The following STARD13 variants were observed in gnomAD, a reference collection of about 807,000 sequenced individuals.
STARD13 encodes the protein stAR-related lipid transfer protein 13.
In STARD13, 62 loss-of-function variants were observed where a neutral mutation model predicts 106.4. The observed-to-expected ratio is 0.58, with a 90% CI of 0.48 to 0.72. The LOEUF (loss-of-function observed/expected upper bound fraction) is 0.72. Among genes scored for constraint, STARD13 ranks in the 30% least tolerant of loss-of-function variants. The probability of loss-of-function intolerance (pLI) is 0.00; values close to 1 mark genes in which losing one functional copy is unlikely to be tolerated. For missense variants in STARD13, 1,387 were observed against 1,424.0 expected, an observed-to-expected ratio of 0.97 and a Z score of 0.42; for synonymous variants, 565 against 553.0, an observed-to-expected ratio of 1.02 and a Z score of -0.31.
At chr13:33,481,173 T>A in the STARD13 span, among the ~76,000 whole-genome samples, 1 of 152,092 alleles carries the variant, frequency 6.6e-6, no homozygotes, top group East Asian at 1.9e-4. Flanking sequence ...CTTTCCAATA[T>A]GAATTGTACC....
At chr13:33,654,055 A>G in the STARD13 span, among the ~76,000 whole-genome samples, 1 of 152,182 alleles carries the variant, frequency 6.6e-6, no homozygotes, top group African/African-American at 2.4e-5. Flanking sequence ...ATGAGGAGAA[A>G]TTGAATCCTC....
At chr13:33,181,645 T>C (rs1328007963) in intron 1 of STARD13, among the ~76,000 whole-genome samples, 4 of 152,220 alleles carry the variant, frequency 2.6e-5, no homozygotes, top group Non-Finnish European at 5.9e-5. Context: ...AACTGTAAGC[T>C]CCATATGAAA....
upstream of STARD13, among the ~76,000 whole-genome samples, chr13:33,289,442 A>G (rs952455743): frequency 2.6e-5 from 4 of 152,178 alleles, no homozygotes; most frequent in African/African-American, 9.7e-5. Flanking sequence ...CACAGCTATC[A>G]CTGGAGGTAT....
chr13:33,516,179 T>C, the STARD13 span, among the ~76,000 whole-genome samples: 1 of 147,892 alleles, frequency 6.8e-6, no homozygotes, highest in Non-Finnish European at 1.5e-5. Context: ...ATATAATTCA[T>C]ATATATGAAT....
the STARD13 span, among the ~76,000 whole-genome samples, chr13:33,469,847 GA>G: frequency 0.15 from 23,412 of 152,010 alleles, 2,622 homozygotes; most frequent in African/African-American, 0.32. Context: ...AGGGACAAGG[GA>G]AAAGGATGTT....
intron 1 of STARD13, among the ~76,000 whole-genome samples, chr13:33,226,214 C>T (rs184119978): frequency 3.3e-5 from 5 of 152,342 alleles, no homozygotes; most frequent in African/African-American, 4.8e-5. Context: ...CATTTTGTTA[C>T]GGCAGCCTGA....
chr13:33,296,926 A>G (rs1892518434), intron 1 of STARD13, among the ~76,000 whole-genome samples: 1 of 152,156 alleles, frequency 6.6e-6, no homozygotes, highest in South Asian at 2.1e-4. Context: ...GCCGAGTTCA[A>G]CTTTTTAAAA....
the STARD13 span, among the ~76,000 whole-genome samples, chr13:33,530,105 T>G: frequency 2.0e-5 from 3 of 150,556 alleles, no homozygotes; most frequent in African/African-American, 7.4e-5. Flanking sequence ...TAATTCTCCC[T>G]TGCCTCTACT....
At chr13:33,517,259 T>C in the STARD13 span, among the ~76,000 whole-genome samples, 1 of 152,096 alleles carries the variant, frequency 6.6e-6, no homozygotes, top group South Asian at 2.1e-4. Flanking sequence ...ACATCACCGC[T>C]GAACAGCTAA....
At position 33,134,952 on chromosome 13, in the gene STARD13, A is replaced by G. The variant is rs75917580; in HGVS notation, c.388-4663T>C. Among the ~76,000 whole-genome samples the G allele has an allele frequency of 3.4e-3, 522 of 152,338 alleles. 3 individuals carry two copies. The highest frequency in any genetic ancestry group is 0.012 in the African/African-American group (495 of 41,582). The stretch of plus-strand genomic sequence containing the variant: ...CTTAACCATGTAATATGGCTACTGA[A>G]CAAAGACACCAACCTTAGGATGCAT... On this transcript the variant is annotated intron_variant, in intron 4 of 13. Transcript: ENST00000336934.
chr13:33,192,930 T>G (rs866957040), intron 1 of STARD13, among the ~76,000 whole-genome samples: 1 of 152,018 alleles, frequency 6.6e-6, no homozygotes, highest in Non-Finnish European at 1.5e-5. Flanking sequence ...TCCCATCTTA[T>G]GGAGGAAGAA....
the STARD13 span, among the ~76,000 whole-genome samples, chr13:33,428,405 C>G: frequency 6.6e-6 from 1 of 152,058 alleles, no homozygotes; most frequent in Admixed American, 6.6e-5. Context: ...AGAGAATACA[C>G]TGGCAAACTA....
intron 1 of STARD13, among the ~76,000 whole-genome samples, chr13:33,178,216 T>C (rs1181769289): frequency 6.6e-6 from 1 of 152,230 alleles, no homozygotes; most frequent in African/African-American, 2.4e-5. Flanking sequence ...CACTCGACAA[T>C]GCATTTTGAA....
intron 1 of STARD13, among the ~76,000 whole-genome samples, chr13:33,319,846 C>A (rs1282196198): frequency 6.6e-6 from 1 of 152,214 alleles, no homozygotes; most frequent in Non-Finnish European, 1.5e-5. Flanking sequence ...GAACCAGATG[C>A]ATACTTGTGT....
chr13:33,209,320 C>T (rs1050290693), intron 1 of STARD13, among the ~76,000 whole-genome samples: 1 of 152,204 alleles, frequency 6.6e-6, no homozygotes, highest in African/African-American at 2.4e-5. Context: ...AAGCCCAGAA[C>T]CTGTGTGCCT....
chr13:33,115,396 CTGAGTCTCCATGCTCGTCCAG>C (rs1875214975), intron 8 of STARD13, among the ~76,000 whole-genome samples: 1 of 152,200 alleles, frequency 6.6e-6, no homozygotes, highest in African/African-American at 2.4e-5. Flanking sequence ...TGCTGACTCC[CTGAGTCTCCATGCTCGTCCAG>C]TTCGGTGCCT....
intron 1 of STARD13, among the ~76,000 whole-genome samples, chr13:33,323,409 G>A (rs962092561): frequency 4.6e-5 from 7 of 152,164 alleles, no homozygotes; most frequent in Non-Finnish European, 7.4e-5. Context: ...TACTCTGATC[G>A]CACCCTTCTC....
At chr13:33,350,191 C>A in intron 1 of STARD13, 1 of 1,360,286 alleles carries the variant, frequency 7.4e-7, no homozygotes, top group Non-Finnish European at 9.4e-7. Flanking sequence ...GAAACTCATG[C>A]CCTGGAGCCC....
At chr13:33,343,980 C>A (rs2077992083), downstream of STARD13, among the ~76,000 whole-genome samples, 1 of 152,066 alleles carries the variant, frequency 6.6e-6, no homozygotes, top group Admixed American at 6.6e-5. Flanking sequence ...CAAGTTCCTT[C>A]TGACCTCAAT....
Sources: gnomAD v4.1 joint callset for allele counts (sites outside exome capture counted in the v4.1 genomes callset) on GRCh38, gnomAD v4.1.1 for gene constraint, MANE v1.5 for transcripts, NCBI Gene and HGNC (gene_info 2026-07-23, HGNC 2026-07-21) for gene names.